RANBP2: variants seen among roughly 807,000 people sequenced by gnomAD.
RANBP2 encodes E3 SUMO-protein ligase RanBP2.
A neutral mutation model predicts 303.6 loss-of-function variants in RANBP2; 57 were observed. That is an observed-to-expected ratio of 0.19 (90% CI 0.15 to 0.23). RANBP2 has a LOEUF of 0.23. RANBP2 is among the 10% of genes least tolerant of loss of function. The probability of loss-of-function intolerance (pLI) is 1.00; values close to 1 mark genes in which losing one functional copy is unlikely to be tolerated. For missense variants in RANBP2, 3,138 were observed against 3,780.8 expected (o/e 0.83, Z 4.46); for synonymous variants, 1,167 against 1,301.5 (o/e 0.90, Z 2.23).
chr2:109,490,453 T>C, the RANBP2 span, among the ~76,000 whole-genome samples: 1 of 152,196 alleles, frequency 6.6e-6, no homozygotes, highest in Admixed American at 6.5e-5. Context: ...CTCTGGCTAC[T>C]GCTGTTGCTG....
the RANBP2 span, chr2:109,615,528 T>G: frequency 6.2e-7 from 1 of 1,613,896 alleles, no homozygotes; most frequent in South Asian, 1.1e-5. Context: ...CGCCCTGCAC[T>G]TGGCAGCCAT....
chr2:109,190,228 C>T, the RANBP2 span, among the ~76,000 whole-genome samples: 7 of 151,652 alleles, frequency 4.6e-5, no homozygotes, highest in African/African-American at 1.7e-4. Context: ...GGCTGGAGTG[C>T]AGTGGCGTGA....
chr2:109,301,960 A>C, the RANBP2 span, among the ~76,000 whole-genome samples: 19 of 152,164 alleles, frequency 1.2e-4, no homozygotes, highest in African/African-American at 3.9e-4. Context: ...CCTCTCCTGC[A>C]TGTCTTCCTG....
At chr2:109,635,878 G>A in the RANBP2 span, among the ~76,000 whole-genome samples, 3 of 152,202 alleles carry the variant, frequency 2.0e-5, no homozygotes, top group African/African-American at 7.2e-5. Context: ...TTGTATTACG[G>A]TTATTAAGTG....
chr2:109,132,890 C>G, the RANBP2 span, among the ~76,000 whole-genome samples: 1 of 152,182 alleles, frequency 6.6e-6, no homozygotes, highest in Non-Finnish European at 1.5e-5. Context: ...TTGAGTAATT[C>G]AAAACATGCT....
At chr2:108,846,516 G>GA in the RANBP2 span, among the ~76,000 whole-genome samples, 7,727 of 134,914 alleles carry the variant, frequency 0.057, 216 homozygotes, top group Non-Finnish European at 0.074. Flanking sequence ...CATCTCTACC[G>GA]AAAAAAAAAA....
At chr2:109,073,847 T>C in the RANBP2 span, among the ~76,000 whole-genome samples, 1 of 150,774 alleles carries the variant, frequency 6.6e-6, no homozygotes, top group South Asian at 2.1e-4. Flanking sequence ...AGAGTACTTC[T>C]ATAGAAGTGT....
chr2:109,143,099 G>C, the RANBP2 span, among the ~76,000 whole-genome samples: 2 of 152,162 alleles, frequency 1.3e-5, no homozygotes, highest in East Asian at 3.9e-4. Flanking sequence ...GGCCTGCCAT[G>C]ATGGCCACAA....
At chr2:108,969,085 C>T in the RANBP2 span, among the ~76,000 whole-genome samples, 26 of 152,262 alleles carry the variant, frequency 1.7e-4, no homozygotes, top group East Asian at 7.7e-4. Context: ...AGTCAGTTTA[C>T]GTTGTGTGAC....
the RANBP2 span, among the ~76,000 whole-genome samples, chr2:109,397,065 T>C: frequency 6.6e-6 from 1 of 152,194 alleles, no homozygotes; most frequent in Non-Finnish European, 1.5e-5. Context: ...GCCTCTGTGG[T>C]GCCCTACAGC....
the RANBP2 span, among the ~76,000 whole-genome samples, chr2:109,210,746 G>A: frequency 1.3e-5 from 2 of 152,326 alleles, no homozygotes; most frequent in Admixed American, 1.3e-4. Context: ...GGGAGGAAAG[G>A]GAGAAATGCT....
the RANBP2 span, among the ~76,000 whole-genome samples, chr2:109,057,051 C>T: frequency 6.6e-6 from 1 of 152,130 alleles, no homozygotes; most frequent in Non-Finnish European, 1.5e-5. Flanking sequence ...CCTCATGTGT[C>T]TTTGATATTA....
At chr2:109,037,323 C>CAAAA in the RANBP2 span, among the ~76,000 whole-genome samples, 4 of 54,302 alleles carry the variant, frequency 7.4e-5, no homozygotes, top group Admixed American at 2.1e-4. Context: ...GACCATGTCT[C>CAAAA]AAAAAAAAAA....
chr2:109,344,319 G>A, the RANBP2 span, among the ~76,000 whole-genome samples: 1,966 of 152,302 alleles, frequency 0.013, 23 homozygotes, highest in Non-Finnish European at 0.02. Flanking sequence ...AGGTGGTGAC[G>A]GGGGAGCAGT....
At chr2:109,673,443 C>A in the RANBP2 span, among the ~76,000 whole-genome samples, 1 of 152,156 alleles carries the variant, frequency 6.6e-6, no homozygotes, top group Non-Finnish European at 1.5e-5. Flanking sequence ...CTCATGGAAC[C>A]CCAAGAGCTG....
chr2:109,545,998 C>G, the RANBP2 span: 1 of 1,519,272 alleles, frequency 6.6e-7, no homozygotes, highest in Non-Finnish European at 8.8e-7. Context: ...TCCGACAGGG[C>G]AATGTGACAA....
At chr2:109,144,454 C>G in the RANBP2 span, among the ~76,000 whole-genome samples, 1 of 152,202 alleles carries the variant, frequency 6.6e-6, no homozygotes, top group African/African-American at 2.4e-5. Flanking sequence ...TCTTTCAGCC[C>G]TGGTTTCCTG....
At chr2:109,608,834 A>G in the RANBP2 span, among the ~76,000 whole-genome samples, 6 of 152,226 alleles carry the variant, frequency 3.9e-5, no homozygotes, top group African/African-American at 1.4e-4. Flanking sequence ...TATTATCAGA[A>G]GAAAGTGTAA....
the RANBP2 span, among the ~76,000 whole-genome samples, chr2:108,940,798 C>A: frequency 6.6e-6 from 1 of 152,224 alleles, no homozygotes; most frequent in African/African-American, 2.4e-5. Flanking sequence ...TCCCCAAGAA[C>A]CTACAAGTTG....
Sources: gnomAD v4.1 joint callset for allele counts (sites outside exome capture counted in the v4.1 genomes callset) on GRCh38, gnomAD v4.1.1 for gene constraint, MANE v1.5 for transcripts, NCBI Gene and HGNC (gene_info 2026-07-23, HGNC 2026-07-21) for gene names.